The following GPHN variants were observed in gnomAD, a reference collection of about 807,000 sequenced individuals.
GPHN encodes gephyrin.
In GPHN, 17 loss-of-function variants were observed where a neutral mutation model predicts 95.5. The observed-to-expected ratio is 0.18, with a 90% CI of 0.12 to 0.27. GPHN has a LOEUF of 0.27. GPHN is among the 10% of genes least tolerant of loss of function. GPHN has a pLI of 1.00. For synonymous variants in GPHN, 320 were observed against 322.5 expected, an observed-to-expected ratio of 0.99 and a Z score of 0.08; for missense variants, 660 against 978.1, an observed-to-expected ratio of 0.67 and a Z score of 4.34.
chr14:67,702,515 A>G, the GPHN span, among the ~76,000 whole-genome samples: 1 of 152,210 alleles, frequency 6.6e-6, no homozygotes, highest in East Asian at 1.9e-4. Flanking sequence ...CTGACCCTGT[A>G]AAATATTTAA....
the GPHN span, among the ~76,000 whole-genome samples, chr14:67,618,969 A>G: frequency 2.0e-5 from 3 of 152,324 alleles, no homozygotes; most frequent in African/African-American, 2.4e-5. Flanking sequence ...TAAAAAATTA[A>G]TTTGGTAGAA....
downstream of GPHN, among the ~76,000 whole-genome samples, chr14:67,184,585 CTT>C (rs1477948356): frequency 6.6e-6 from 1 of 152,116 alleles, no homozygotes; most frequent in Non-Finnish European, 1.5e-5. Flanking sequence ...AGTCTCCCCT[CTT>C]GGCTGACTGA....
chr14:66,808,507 T>C (rs1304806827), intron 3 of GPHN, among the ~76,000 whole-genome samples: 1 of 152,226 alleles, frequency 6.6e-6, no homozygotes, highest in African/African-American at 2.4e-5. Context: ...AATTTATGTA[T>C]AAAATATTTT....
chr14:66,999,609 A>G (rs1320915512), intron 9 of GPHN, among the ~76,000 whole-genome samples: 1 of 151,886 alleles, frequency 6.6e-6, no homozygotes, highest in Non-Finnish European at 1.5e-5. Context: ...TTGTGAATGT[A>G]ATGAGATCAG....
chr14:66,801,581 C>G (rs1595945786), intron 3 of GPHN, among the ~76,000 whole-genome samples: 1 of 146,550 alleles, frequency 6.8e-6, no homozygotes, highest in Non-Finnish European at 1.5e-5. Flanking sequence ...CCTCTCCCCA[C>G]TCTCTCTCTC....
At chr14:67,641,790 A>T in the GPHN span, among the ~76,000 whole-genome samples, 26 of 152,172 alleles carry the variant, frequency 1.7e-4, no homozygotes. Context: ...AAGAAAGTTT[A>T]AAAAAATGAG....
At chr14:67,497,425 G>A in the GPHN span, among the ~76,000 whole-genome samples, 3 of 152,068 alleles carry the variant, frequency 2.0e-5, no homozygotes, top group Non-Finnish European at 4.4e-5. Flanking sequence ...CCGGGATGAG[G>A]AAGAACTGAC....
At chr14:67,662,706 C>A in the GPHN span, among the ~76,000 whole-genome samples, 154 of 152,182 alleles carry the variant, frequency 1.0e-3, no homozygotes, top group African/African-American at 3.5e-3. Context: ...GAGTTCAAGA[C>A]CACCCTGGCC....
chr14:67,711,245 G>C, the GPHN span, among the ~76,000 whole-genome samples: 798 of 152,268 alleles, frequency 5.2e-3, 6 homozygotes, highest in African/African-American at 0.013. Context: ...CACAAGCAGA[G>C]ATCATTCTGT....
the GPHN span, chr14:67,663,108 C>A: frequency 6.6e-7 from 1 of 1,520,408 alleles, no homozygotes; most frequent in Non-Finnish European, 8.8e-7. Flanking sequence ...ACGATGAGAA[C>A]GTTATTCATT....
At chr14:67,323,845 G>A in the GPHN span, 4 of 1,139,740 alleles carry the variant, frequency 3.5e-6, no homozygotes, top group African/African-American at 3.2e-5. Context: ...CTATTCCATT[G>A]AAGGTAAACA....
chr14:66,945,441 A>G (rs1257938852), intron 8 of GPHN, among the ~76,000 whole-genome samples: 3 of 152,170 alleles, frequency 2.0e-5, no homozygotes, highest in Admixed American at 2.0e-4. Flanking sequence ...CAAAGGCATA[A>G]GAATTATACA....
At chr14:67,199,471 C>T in the GPHN span, 2 of 1,612,956 alleles carry the variant, frequency 1.2e-6, no homozygotes, top group Non-Finnish European at 1.7e-6. Context: ...GGGACCCTGA[C>T]ACAGGCAACT....
chr14:67,418,563 C>T, the GPHN span, among the ~76,000 whole-genome samples: 834 of 152,274 alleles, frequency 5.5e-3, 7 homozygotes, highest in Admixed American at 9.5e-3. Context: ...AAGCCCCGCG[C>T]GGCCCAGATA....
rs2077520396 is a variant in GPHN, at chr14:67,098,553, T to C, written c.1238-2303T>C. On this transcript the variant is annotated intron_variant, in intron 12 of 22. Transcript: ENST00000478722. ...GGTCAGGCGCGGTGGCTTATGCCTG[T>C]AACCCCAGCATTTTGGGAGGCCGAG... 2.0e-5 allele frequency among the ~76,000 whole-genome samples: 3 copies of C among 152,250 alleles called. No individual in the cohort carries two copies. The South Asian group carries it at 6.2e-4, about 32-fold the overall frequency.
At chr14:67,239,211 A>C in the GPHN span, among the ~76,000 whole-genome samples, 13 of 152,114 alleles carry the variant, frequency 8.5e-5, no homozygotes, top group African/African-American at 3.1e-4. Context: ...TGGGGCCAAG[A>C]GATTGGAAGT....
the GPHN span, among the ~76,000 whole-genome samples, chr14:67,287,113 G>A: frequency 6.6e-6 from 1 of 152,054 alleles, no homozygotes; most frequent in East Asian, 1.9e-4. Context: ...AGCTACTGGG[G>A]AGGCTGAGGT....
At chr14:67,718,088 C>CA in the GPHN span, among the ~76,000 whole-genome samples, 1 of 152,026 alleles carries the variant, frequency 6.6e-6, no homozygotes, top group Non-Finnish European at 1.5e-5. Flanking sequence ...AAAACAAATA[C>CA]AAAAAAATGT....
the GPHN span, among the ~76,000 whole-genome samples, chr14:67,597,847 T>C: frequency 6.6e-6 from 1 of 151,768 alleles, no homozygotes; most frequent in African/African-American, 2.4e-5. Flanking sequence ...AAGTGGTGGT[T>C]AGTGACCAAT....
Sources: allele counts gnomAD v4.1 joint callset (sites outside exome capture counted in the v4.1 genomes callset), GRCh38; gene constraint gnomAD v4.1.1; transcripts MANE v1.5; gene names NCBI Gene and HGNC (gene_info 2026-07-23, HGNC 2026-07-21).